PTPRCAP: variants seen among roughly 807,000 people sequenced by gnomAD.
PTPRCAP encodes the protein protein tyrosine phosphatase receptor type C associated protein, also known as protein tyrosine phosphatase receptor type C-associated protein.
For synonymous variants in PTPRCAP, 136 were observed against 135.8 expected, an observed-to-expected ratio of 1.00 and a Z score of -0.01; for missense variants, 294 against 285.5, an observed-to-expected ratio of 1.03 and a Z score of -0.22.
rs778223527 is a variant in PTPRCAP, at chr11:67,435,748, A to G, written c.606T>C (p.His202=). The change falls in exon 2 of 2, where the codon CAT becomes CAC. Residue 202 remains histidine (H), a synonymous_variant. Transcript: ENST00000326294. ...SARAAGGQGL[H]VTAL Reference sequence around the variant, plus strand: ...AGACCGGCCTCTACAGTGCGGTGACATGGAGGCCCTGGCCCCCAGCTGCCC... The same window carrying G: ...AGACCGGCCTCTACAGTGCGGTGACGTGGAGGCCCTGGCCCCCAGCTGCCC... 1 of 1,544,502 alleles carries G rather than the reference A, an allele frequency of 6.5e-7. No homozygotes were observed. The highest frequency in any genetic ancestry group is 1.9e-5 in the Admixed American group (1 of 53,692).
In PTPRCAP at chr11:67,436,325, C is replaced by T. The variant is rs1334804792; in HGVS notation, c.29G>A (p.Gly10Glu). 1.3e-6 allele frequency: 2 copies of T among 1,508,426 alleles called. No homozygotes were observed. The highest frequency in any genetic ancestry group is 1.8e-6 in the Non-Finnish European group (2 of 1,130,442). 93.4% of individuals were successfully genotyped at this position (1,508,426 alleles called of 1,614,324 possible). MALPCTLGL[G>E]MLLALPGALG... Reference sequence around the variant, plus strand: ...GGCCCCTGGCAGGGCCAGCAGCATCCCGAGCCCTAAGGTGCAGGGCAGAGC... The same window carrying T: ...GGCCCCTGGCAGGGCCAGCAGCATCTCGAGCCCTAAGGTGCAGGGCAGAGC... Residue 10 changes from glycine to glutamate, a missense_variant, in exon 2 of 2, where the codon GGG becomes GAG. Gly to Glu is a moderately conservative substitution (Grantham distance 98, BLOSUM62 -2). Coordinates refer to ENST00000326294, the MANE Select transcript of PTPRCAP (RefSeq NM_005608.3).
At position 67,435,847 on chromosome 11, in the gene PTPRCAP, T is replaced by C. The variant is rs1429000789; in HGVS notation, c.507A>G (p.Ala169=). 6.2e-7 allele frequency: 1 copy of C among 1,609,470 alleles called. No individual in the cohort carries two copies. Among genetic ancestry groups the C allele is most frequent in the Non-Finnish European group, 8.5e-7 (1 of 1,179,252 alleles). Residue 169 remains alanine (A), a synonymous_variant, in exon 2 of 2, where the codon GCA becomes GCG. Transcript: ENST00000326294. ...TCAGCAGGGCCTCAGCACTGCCCCC[T>C]GCGCTCGCTGGTCCTGGGGAGCCGA... ...LVLGSPGPAS[A]GGSAEALLSD... is the part of the protein sequence containing the mutation.
In PTPRCAP at chr11:67,435,854, G is replaced by T. The variant is rs755617165; in HGVS notation, c.500C>A (p.Ala167Glu). Residue 167 changes from alanine (A) to glutamate (E), a missense_variant, in exon 2 of 2, where the codon GCG (alanine) becomes GAG (glutamate). By Grantham distance (107) the Ala-to-Glu change is moderately radical. Transcript: ENST00000326294. ...GDLVLGSPGP[A>E]SAGGSAEALL... ...GGCCTCAGCACTGCCCCCTGCGCTC[G>T]CTGGTCCTGGGGAGCCGAGGACCAG... 6.2e-7 allele frequency: 1 copy of T among 1,609,892 alleles called. No individual in the cohort carries two copies.
chr11:67,436,443 T>C, intron 1 of PTPRCAP, 93 bp from the exon 2 acceptor site: 1 of 1,364,596 alleles, frequency 7.3e-7, no homozygotes, highest in Non-Finnish European at 9.6e-7. Flanking sequence ...TTTCGTTTTT[T>C]TCTCTTTGGG....
intron 1 of PTPRCAP, chr11:67,436,566 C>T (rs1864285884): frequency 2.1e-6 from 1 of 481,876 alleles, no homozygotes; most frequent in Non-Finnish European, 3.5e-6. Context: ...ACTCACCTCC[C>T]CCAACAGCTG....
At position 67,436,118 on chromosome 11, in the gene PTPRCAP, C is replaced by A; in HGVS notation, c.236G>T (p.Arg79Leu). 1 of 1,597,282 alleles carries A rather than the reference C, an allele frequency of 6.3e-7. No individual in the cohort carries two copies. Among genetic ancestry groups the A allele is most frequent in the Non-Finnish European group, 8.5e-7 (1 of 1,171,914 alleles). ...TGGGGGGCTGGCCCAGAGCAGGCGCCGCGTGCGGCCCCACAGCGCGGCACC... is the reference window on the plus strand; with the variant it reads ...TGGGGGGCTGGCCCAGAGCAGGCGCAGCGTGCGGCCCCACAGCGCGGCACC... ...RLGAALWGRT[R>L]RLLWASPPGR... The change falls in exon 2 of 2, where the codon CGG becomes CTG. Residue 79 changes from arginine (R) to leucine (L), a missense_variant. Transcript: ENST00000326294.
chr11:67,437,502 C>A, intron 1 of PTPRCAP, 115 bp downstream of exon 1: 2 of 1,213,880 alleles, frequency 1.6e-6, no homozygotes, highest in South Asian at 3.2e-5. Context: ...CCTCTTAGGT[C>A]TCACCTCTTC....
Position 67,436,338 on chromosome 11 carries a change from T to C in PTPRCAP, c.16A>G (p.Thr6Ala). 1 of 1,485,342 alleles carries C rather than the reference T, an allele frequency of 6.7e-7. No homozygotes were observed. The highest frequency in any genetic ancestry group is 8.9e-7 in the Non-Finnish European group (1 of 1,118,772). The allele number at this position is 1,485,342 out of a possible 1,614,324, so 92.0% of individuals were successfully genotyped here. A position where few individuals can be genotyped will look rare whatever the true frequency, so the allele number is the denominator to read the frequency against. The change falls in exon 2 of 2, where the codon ACC (threonine) becomes GCC (alanine). Residue 6 changes from threonine to alanine, a missense_variant. Coordinates refer to ENST00000326294, the MANE Select transcript of PTPRCAP (RefSeq NM_005608.3). ...GCCAGCAGCATCCCGAGCCCTAAGG[T>C]GCAGGGCAGAGCCTGTGGGAGACAG... is the stretch of plus-strand genomic sequence containing the variant. MALPCTLGLGMLLALP... is the reference protein window; with the variant it reads MALPCALGLGMLLALP...
At position 67,436,318 on chromosome 11, in the gene PTPRCAP, C is replaced by T. The variant is rs373876430; in HGVS notation, c.36G>A (p.Leu12=). ...ALPCTLGLGM[L]LALPGALGSG... is the part of the protein sequence containing the mutation. ...AGCCCAAGGCCCCTGGCAGGGCCAG[C>T]AGCATCCCGAGCCCTAAGGTGCAGG... The change falls in exon 2 of 2, where the codon CTG becomes CTA. Residue 12 remains leucine, a synonymous_variant. Transcript: ENST00000326294. 3.3e-6 allele frequency: 5 copies of T among 1,513,464 alleles called. No individual in the cohort carries two copies. Among genetic ancestry groups the T allele is most frequent in the East Asian group, 4.9e-5 (2 of 40,870 alleles). 93.8% of individuals were successfully genotyped at this position (1,513,464 alleles called of 1,614,324 possible). A position where few individuals can be genotyped will look rare whatever the true frequency, so the allele number is the denominator to read the frequency against.
In PTPRCAP at chr11:67,436,152, C is replaced by T. The variant is rs1230004116; in HGVS notation, c.202G>A (p.Ala68Thr). 6.4e-7 allele frequency: 1 copy of T among 1,568,972 alleles called. No individual in the cohort carries two copies. The highest frequency in any genetic ancestry group is 8.6e-7 in the Non-Finnish European group (1 of 1,157,116). ...SRDSGGYYHP[A>T]RLGAALWGRT... Reference sequence around the variant, plus strand: ...CCCCACAGCGCGGCACCTAGGCGGGCCGGGTGGTAGTAGCCCCCTGAGTCA... The same window carrying T: ...CCCCACAGCGCGGCACCTAGGCGGGTCGGGTGGTAGTAGCCCCCTGAGTCA... The change falls in exon 2 of 2, where the codon GCC becomes ACC. Residue 68 changes from alanine to threonine, a missense_variant. Coordinates refer to ENST00000326294, the MANE Select transcript of PTPRCAP (RefSeq NM_005608.3).
At position 67,437,252 on chromosome 11, in the gene PTPRCAP, C is replaced by A. The variant is rs375896303; in HGVS notation, c.3+365G>T. ...GCAGCTGCCAGAGGAAGTCTGCGGTCGGAACAGGCTAGGTGGGGGGTGTCG... is the reference window on the plus strand; with the variant it reads ...GCAGCTGCCAGAGGAAGTCTGCGGTAGGAACAGGCTAGGTGGGGGGTGTCG... On this transcript the variant is annotated intron_variant, in intron 1 of 1. Transcript: ENST00000326294. 2.6e-4 allele frequency: 58 copies of A among 222,006 alleles called. 1 individual carries two copies. The highest frequency in any genetic ancestry group is 1.6e-3 in the East Asian group (18 of 11,302). 13.8% of individuals were successfully genotyped at this position (222,006 alleles called of 1,614,324 possible).
rs1864262779 is a variant in PTPRCAP at position 67,435,950 on chromosome 11, C to G, written c.404G>C (p.Gly135Ala). The G allele has an allele frequency of 1.2e-6, 2 of 1,613,472 alleles. No homozygotes were observed. The highest frequency in any genetic ancestry group is 1.3e-5 in the African/African-American group (1 of 74,904). ...GACCTGCTCTGGGCTGGACGCCTCT[C>G]CACATTGCTGCTCGCCTTCCCCAGG... ...ADPGEGEQQC[G>A]EASSPEQVPV... Residue 135 changes from glycine to alanine, a missense_variant, in exon 2 of 2, where the codon GGA becomes GCA. Transcript: ENST00000326294.
chr11:67,436,445 C>T (rs1236395097), intron 1 of PTPRCAP, 95 bp from the exon 2 acceptor site: 29 of 1,350,786 alleles, frequency 2.1e-5, no homozygotes, highest in Non-Finnish European at 2.8e-5. Flanking sequence ...TCGTTTTTTT[C>T]TCTTTGGGAT....
Position 67,437,659 on chromosome 11 carries a change from C to T in PTPRCAP, c.-40G>A. ...CTCCGTGCCGGGCACCCACCTCCAG[C>T]TCTGGCTGTGTCGAGCGAGAAGTGA... On this transcript the variant is annotated 5_prime_UTR_variant, in exon 1 of 2. Transcript: ENST00000326294. 1 of 1,357,672 alleles carries T rather than the reference C, an allele frequency of 7.4e-7. No individual in the cohort carries two copies. Among genetic ancestry groups the T allele is most frequent in the Non-Finnish European group, 9.6e-7 (1 of 1,046,240 alleles). 84.1% of individuals were successfully genotyped at this position (1,357,672 alleles called of 1,614,324 possible). A position where few individuals can be genotyped will look rare whatever the true frequency, so the allele number is the denominator to read the frequency against.
Position 67,435,756 on chromosome 11 carries a change from C to T in PTPRCAP, c.598G>A (p.Gly200Ser). 6.4e-7 allele frequency: 1 copy of T among 1,551,780 alleles called. No individual in the cohort carries two copies. The highest frequency in any genetic ancestry group is 2.3e-5 in the East Asian group (1 of 44,270). ...CTCTACAGTGCGGTGACATGGAGGC[C>T]CTGGCCCCCAGCTGCCCTGGCGCTG... ...DDSARAAGGQ[G>S]LHVTAL Residue 200 changes from glycine to serine, a missense_variant, in exon 2 of 2, where the codon GGC (glycine) becomes AGC (serine). Physicochemically the swap from Gly to Ser is moderately conservative, Grantham distance 56. Transcript: ENST00000326294.
rs780514757 is a variant in PTPRCAP, at chr11:67,435,850, G to A, written c.504C>T (p.Ser168=). ...DLVLGSPGPA[S]AGGSAEALLS... is the part of the protein sequence containing the mutation. Reference sequence around the variant, plus strand: ...GCAGGGCCTCAGCACTGCCCCCTGCGCTCGCTGGTCCTGGGGAGCCGAGGA... The same window carrying A: ...GCAGGGCCTCAGCACTGCCCCCTGCACTCGCTGGTCCTGGGGAGCCGAGGA... The change falls in exon 2 of 2, where the codon AGC becomes AGT. Residue 168 remains serine (S), a synonymous_variant. Transcript: ENST00000326294. 1.2e-5 allele frequency: 20 copies of A among 1,609,432 alleles called. No individual in the cohort carries two copies. The highest frequency in any genetic ancestry group is 2.2e-5 in the East Asian group (1 of 44,864).
Position 67,436,092 on chromosome 11 carries a change from C to G in PTPRCAP, c.262G>C (p.Gly88Arg), listed in dbSNP as rs752354935. 1.2e-6 allele frequency: 2 copies of G among 1,610,444 alleles called. No individual in the cohort carries two copies. The highest frequency in any genetic ancestry group is 8.5e-7 in the Non-Finnish European group (1 of 1,178,730). Residue 88 changes from glycine to arginine, a missense_variant, in exon 2 of 2, where the codon GGT becomes CGT. Transcript: ENST00000326294. ...TCAGCTCGGGCCTGCAGCCAGCGACCTGGGGGGCTGGCCCAGAGCAGGCGC... is the reference window on the plus strand; with the variant it reads ...TCAGCTCGGGCCTGCAGCCAGCGACGTGGGGGGCTGGCCCAGAGCAGGCGC... ...TRRLLWASPP[G>R]RWLQARAELG...
At chr11:67,436,531 C>T (rs1864284593) in intron 1 of PTPRCAP, 181 bp from the exon 2 acceptor site, 1 of 655,846 alleles carries the variant, frequency 1.5e-6, no homozygotes, top group South Asian at 2.9e-5. Context: ...AGATCAGCCC[C>T]CATCCCTCCA....
rs1227497866 is a variant in PTPRCAP at position 67,435,988 on chromosome 11, G to A, written c.366C>T (p.Gly122=). Residue 122 remains glycine, a synonymous_variant, in exon 2 of 2, where the codon GGC becomes GGT. Coordinates refer to ENST00000326294, the MANE Select transcript of PTPRCAP (RefSeq NM_005608.3). ...DTDYDHVADG[G]LQADPGEGEQ... ...CGCCTTCCCCAGGGTCAGCCTGCAG[G>A]CCACCATCCGCGACGTGGTCATAGT... 1 of 1,613,618 alleles carries A rather than the reference G, an allele frequency of 6.2e-7. No individual in the cohort carries two copies. Among genetic ancestry groups the A allele is most frequent in the African/African-American group, 1.3e-5 (1 of 74,892 alleles).
Sources: gnomAD v4.1 joint callset for allele counts on GRCh38, gnomAD v4.1.1 for gene constraint, MANE v1.5 for transcripts, NCBI Gene and HGNC (gene_info 2026-07-23, HGNC 2026-07-21) for gene names.